BTBD8: variants seen among roughly 807,000 people sequenced by gnomAD.
The protein encoded by BTBD8 is BTB/POZ domain-containing protein 8.
BTBD8 carries 110 observed loss-of-function variants against 162.9 expected under a neutral mutation model. That is an observed-to-expected ratio of 0.68 (90% confidence interval 0.58 to 0.79). The LOEUF (loss-of-function observed/expected upper bound fraction) is 0.79. Ranked by LOEUF, BTBD8 falls within the 30% of genes least tolerant of loss-of-function variation. The pLI, the probability that BTBD8 is intolerant of heterozygous loss-of-function variation, is 0.00. For missense variants in BTBD8, 1,905 were observed against 2,085.4 expected (o/e 0.91, Z 1.68); for synonymous variants, 667 against 716.1 (o/e 0.93, Z 1.10).
intron 4 of BTBD8, among the ~76,000 whole-genome samples, chr1:92,128,985 G>C (rs571943817): frequency 2.6e-5 from 4 of 151,916 alleles, no homozygotes; most frequent in Non-Finnish European, 4.4e-5. Context: ...ATCTGGGAAA[G>C]AGCCTTGATT....
At position 92,104,636 on chromosome 1, in the gene BTBD8, C is replaced by T. The variant is rs570943525; in HGVS notation, c.544+1967C>T. 4.6e-5 allele frequency among the ~76,000 whole-genome samples: 7 copies of T among 152,264 alleles called. No homozygotes were observed. In the South Asian group the frequency reaches 1.5e-3, roughly 32 times the overall value. ...GCTTCTGCCTTTCGACTGTTTTCTC[C>T]ATCACTCCATGGAAAATCCCCACAT... On this transcript the variant is annotated intron_variant, in intron 3 of 17. Transcript: ENST00000636805.
At chr1:92,157,576 T>C (rs563279902) in intron 9 of BTBD8, among the ~76,000 whole-genome samples, 1 of 152,274 alleles carries the variant, frequency 6.6e-6, no homozygotes, top group South Asian at 2.1e-4. Flanking sequence ...CGATCATAGC[T>C]CACTACAGCC....
At chr1:92,087,150 T>TA (rs1383699227) in intron 1 of BTBD8, among the ~76,000 whole-genome samples, 1 of 152,160 alleles carries the variant, frequency 6.6e-6, no homozygotes, top group East Asian at 1.9e-4. Context: ...TTCTATCAAA[T>TA]AAAAAACACT....
chr1:92,144,356 G>A (rs988518547), intron 7 of BTBD8, among the ~76,000 whole-genome samples: 1 of 152,064 alleles, frequency 6.6e-6, no homozygotes. Flanking sequence ...ACAAATATGG[G>A]TATAATGTGA....
chr1:92,122,036 A>G (rs937395814), intron 4 of BTBD8, among the ~76,000 whole-genome samples: 6 of 151,674 alleles, frequency 4.0e-5, no homozygotes, highest in South Asian at 2.1e-4. Flanking sequence ...AGGATATTCT[A>G]CCTTTCCTAG....
rs79351778 is a variant in BTBD8, at chr1:92,121,257, A to G, written c.663-8430A>G. The stretch of plus-strand genomic sequence containing the variant: ...TCGGTTTGGTTGTGATGTTTTATTC[A>G]TTCTATTTCGTGCTGAATTCAGTTT... On this transcript the variant is annotated intron_variant, in intron 4 of 17. Transcript: ENST00000636805. 2.5e-3 allele frequency among the ~76,000 whole-genome samples: 382 copies of G among 152,242 alleles called. 3 individuals are homozygous for G. The highest frequency in any genetic ancestry group is 0.01 in the Middle Eastern group (3 of 294).
chr1:92,161,358 G>A (rs1650268850), intron 9 of BTBD8, among the ~76,000 whole-genome samples: 1 of 152,142 alleles, frequency 6.6e-6, no homozygotes, highest in East Asian at 1.9e-4. Flanking sequence ...TGTCATCAAG[G>A]GAGATATGAA....
chr1:92,182,431 C>A lies in BTBD8; in HGVS notation c.4748C>A (p.Pro1583Gln), dbSNP rs557186471. The A allele has an allele frequency of 1.3e-6, 2 of 1,551,248 alleles. No individual in the cohort carries two copies. The highest frequency in any genetic ancestry group is 2.4e-5 in the South Asian group (2 of 83,880). Reference sequence around the variant, plus strand: ...AGTGATGTAAAATCTCAAGAAAGACCATGTCACTTGGATCTTCATCAAAGA... The same window carrying A: ...AGTGATGTAAAATCTCAAGAAAGACAATGTCACTTGGATCTTCATCAAAGA... ...LDSDVKSQER[P>Q]CHLDLHQREP... The change falls in exon 17 of 18, where the codon CCA (proline) becomes CAA (glutamine). Residue 1583 changes from proline (P) to glutamine (Q), a missense_variant. Physicochemically the swap from Pro to Gln is moderately conservative, Grantham distance 76. Transcript: ENST00000636805.
At chr1:92,124,137 A>G (rs752733036) in intron 4 of BTBD8, among the ~76,000 whole-genome samples, 3 of 152,184 alleles carry the variant, frequency 2.0e-5, no homozygotes, top group Non-Finnish European at 4.4e-5. Context: ...AGATTTGGCA[A>G]TTGCCTCAAT....
chr1:92,128,754 A>G (rs1244049780), intron 4 of BTBD8, among the ~76,000 whole-genome samples: 1 of 152,124 alleles, frequency 6.6e-6, no homozygotes, highest in East Asian at 1.9e-4. Flanking sequence ...TAGTTCTGTA[A>G]TGTAGGCATT....
chr1:92,153,809 G>A (rs898357160), intron 9 of BTBD8, among the ~76,000 whole-genome samples: 1 of 152,176 alleles, frequency 6.6e-6, no homozygotes, highest in Admixed American at 6.5e-5. Context: ...TAGTGCTGCA[G>A]TGAACATGGT....
chr1:92,087,190 CT>C (rs533138422), intron 1 of BTBD8, among the ~76,000 whole-genome samples: 9 of 149,280 alleles, frequency 6.0e-5, no homozygotes, highest in South Asian at 4.3e-4. Context: ...TTTATACACA[CT>C]TTTTTTTTTC....
At chr1:92,109,900 T>C (rs481677) in intron 4 of BTBD8, among the ~76,000 whole-genome samples, 3,923 of 152,330 alleles carry the variant, frequency 0.026, 76 homozygotes, top group Non-Finnish European at 0.029. Flanking sequence ...TACATACTTA[T>C]ATATTAAAAG....
chr1:92,080,693 C>T lies in BTBD8; in HGVS notation c.122C>T (p.Ser41Leu). 2 of 1,612,140 alleles carry T rather than the reference C, an allele frequency of 1.2e-6. No homozygotes were observed. Among genetic ancestry groups the T allele is most frequent in the South Asian group, 2.2e-5 (2 of 90,654 alleles). Residue 41 changes from serine to leucine, a missense_variant, in exon 1 of 18, where the codon TCG becomes TTG. Transcript: ENST00000636805. ...CERRRLKATVSEQLSQDLLRL... is the reference protein window; with the variant it reads ...CERRRLKATVLEQLSQDLLRL... ...CGGCGCCGGCTGAAGGCGACGGTGT[C>T]GGAGCAGCTCAGCCAGGATTTGCTC...
intron 9 of BTBD8, among the ~76,000 whole-genome samples, chr1:92,158,837 A>G (rs534942686): frequency 2.1e-4 from 32 of 152,288 alleles, no homozygotes; most frequent in Admixed American, 5.9e-4. Flanking sequence ...GTGCAGTGGC[A>G]TGATCACAGC....
chr1:92,170,567 T>A (rs1319533353), intron 12 of BTBD8, among the ~76,000 whole-genome samples: 2 of 152,194 alleles, frequency 1.3e-5, no homozygotes, highest in Non-Finnish European at 2.9e-5. Flanking sequence ...ATAGAGATCA[T>A]GGAAGATGCA....
At position 92,088,825 on chromosome 1, in the gene BTBD8, A is replaced by G. The variant is rs1219637254; in HGVS notation, c.277A>G (p.Asn93Asp). 2 of 1,613,356 alleles carry G rather than the reference A, an allele frequency of 1.2e-6. No individual in the cohort carries two copies. Among genetic ancestry groups the G allele is most frequent in the Non-Finnish European group, 1.7e-6 (2 of 1,179,544 alleles). The change falls in exon 2 of 18, where the codon AAT becomes GAT. Residue 93 changes from asparagine (N) to aspartate (D), a missense_variant. Around this residue, in one of 3 missense-constraint regions of BTBD8, gnomAD observed 1,374 missense variants for 1,442.7 expected, o/e 0.95. Coordinates refer to ENST00000636805, the MANE Select transcript of BTBD8 (RefSeq NM_001376131.1). The part of the protein sequence containing the change: ...FYFHTIGQTS[N>D]SLTNQEPIAV... The stretch of plus-strand genomic sequence containing the variant: ...TTTTCATACTATTGGACAGACATCA[A>G]ATAGTTTAACAAATCAGGAGCCTAT...
intron 9 of BTBD8, among the ~76,000 whole-genome samples, chr1:92,159,170 CTTTCT>C (rs1270523393): frequency 6.7e-6 from 1 of 149,354 alleles, no homozygotes; most frequent in African/African-American, 2.5e-5. Flanking sequence ...TTCTTTCTTT[CTTTCT>C]TTTTTTTTTT....
At chr1:92,167,477 C>A (rs1038595902) in intron 10 of BTBD8, among the ~76,000 whole-genome samples, 1 of 152,184 alleles carries the variant, frequency 6.6e-6, no homozygotes, top group Non-Finnish European at 1.5e-5. Flanking sequence ...ATGCAGAATT[C>A]TCTGTCTTAT....
Sources: gnomAD v4.1 joint callset for allele counts (sites outside exome capture counted in the v4.1 genomes callset) on GRCh38, gnomAD v4.1.1 for gene constraint, gnomAD v4.1.1 regional missense constraint, MANE v1.5 for transcripts, NCBI Gene and HGNC (gene_info 2026-07-23, HGNC 2026-07-21) for gene names.